The following BMP2K variants were observed in gnomAD, a reference collection of about 807,000 sequenced individuals.
The protein encoded by BMP2K is BMP-2-inducible protein kinase.
A neutral mutation model predicts 116.0 loss-of-function variants in BMP2K; 74 were observed. The observed-to-expected ratio is 0.64, with a 90% confidence interval of 0.53 to 0.77. BMP2K has a LOEUF of 0.77. BMP2K is among the 30% of genes least tolerant of loss of function. BMP2K has a pLI of 0.00. For missense variants in BMP2K, 1,365 were observed against 1,403.6 expected (o/e 0.97, Z 0.44); for synonymous variants, 486 against 502.5 (o/e 0.97, Z 0.44).
At chr4:78,866,045 CTA>C in intron 10 of BMP2K, among the ~76,000 whole-genome samples, 1 of 152,178 alleles carries the variant, frequency 6.6e-6, no homozygotes, top group Non-Finnish European at 1.5e-5. Flanking sequence ...TGGAAAAAGT[CTA>C]TGTTATATGA....
At chr4:78,858,517 A>G (rs984284420) in intron 7 of BMP2K, among the ~76,000 whole-genome samples, 3 of 151,932 alleles carry the variant, frequency 2.0e-5, no homozygotes, top group Admixed American at 2.0e-4. Flanking sequence ...AGAATCTCTC[A>G]AATAAATTAT....
chr4:78,884,281 C>T (rs1404712383), intron 14 of BMP2K, among the ~76,000 whole-genome samples: 2 of 152,276 alleles, frequency 1.3e-5, no homozygotes, highest in East Asian at 3.9e-4. Flanking sequence ...GAGCCATGAT[C>T]ATGCCACTGC....
Position 78,834,284 on chromosome 4 carries a change from C to T in BMP2K, c.403+597C>T, listed in dbSNP as rs1017248250. Among the ~76,000 whole-genome samples, 44 of 145,080 alleles carry T rather than the reference C, an allele frequency of 3.0e-4. 2 individuals carry two copies. In the East Asian group the frequency reaches 5.9e-3, roughly 20 times the overall value. ...TTAAATTTTTTTTTTTTTTTTGAGA[C>T]GGAGTCTCGCTCTGTCGCCCAGGCT... On this transcript the variant is annotated intron_variant, in intron 3 of 15. Transcript: ENST00000502613.
chr4:78,871,856 C>T lies in BMP2K; in HGVS notation c.1516C>T (p.His506Tyr), dbSNP rs1248523170. 3 of 1,609,708 alleles carry T rather than the reference C, an allele frequency of 1.9e-6. No homozygotes were observed. The highest frequency in any genetic ancestry group is 1.7e-5 in the Admixed American group (1 of 59,420). Reference protein sequence around the residue: ...LQDAYMQQYQHATQQQQMLQQ... With the variant: ...LQDAYMQQYQYATQQQQMLQQ... The stretch of plus-strand genomic sequence containing the variant: ...TTTGATTTTCTCGTTGTAGTATCAA[C>T]ATGCAACACAGCAGCAACAGATGCT... The change falls in exon 12 of 16, where the codon CAT becomes TAT. Residue 506 changes from histidine to tyrosine, a missense_variant. By Grantham distance (83) the His-to-Tyr change is moderately conservative (BLOSUM62 2). Around this residue, in one of 3 missense-constraint regions of BMP2K, gnomAD observed 762 missense variants for 756.7 expected, o/e 1.01. Coordinates refer to ENST00000502613, the MANE Select transcript of BMP2K (RefSeq NM_198892.2).
intron 14 of BMP2K, among the ~76,000 whole-genome samples, chr4:78,880,418 T>C (rs1732839944): frequency 1.3e-5 from 2 of 152,224 alleles, no homozygotes; most frequent in Admixed American, 6.5e-5. Flanking sequence ...ACCAAATCAT[T>C]ATAATTTATA....
intron 2 of BMP2K, among the ~76,000 whole-genome samples, chr4:78,827,951 C>T (rs1306755101): frequency 6.6e-6 from 1 of 152,106 alleles, no homozygotes; most frequent in Non-Finnish European, 1.5e-5. Context: ...GTGTACTGTC[C>T]AAGTGTCCAG....
chr4:78,851,408 A>G (rs191724187), intron 7 of BMP2K, among the ~76,000 whole-genome samples: 5 of 152,144 alleles, frequency 3.3e-5, no homozygotes, highest in Admixed American at 3.3e-4. Flanking sequence ...AGGTACTGTA[A>G]TTTAACTTTT....
chr4:78,846,267 C>G (rs991548302), intron 5 of BMP2K, among the ~76,000 whole-genome samples: 1 of 151,476 alleles, frequency 6.6e-6, no homozygotes, highest in Non-Finnish European at 1.5e-5. Context: ...AGGGCCAACA[C>G]TTTTTTGATG....
At chr4:78,818,909 G>C (rs1729486748) in intron 1 of BMP2K, among the ~76,000 whole-genome samples, 1 of 150,696 alleles carries the variant, frequency 6.6e-6, no homozygotes, top group Non-Finnish European at 1.5e-5. Flanking sequence ...CGATTCTTGT[G>C]CTTCCGCCTC....
At chr4:78,886,310 C>T (rs536497637) in intron 14 of BMP2K, among the ~76,000 whole-genome samples, 75 of 152,292 alleles carry the variant, frequency 4.9e-4, no homozygotes, top group Admixed American at 8.5e-4. Context: ...TACTCCCTTG[C>T]GTCCTTCAAG....
At chr4:78,792,808 CAACT>C (rs1183851354) in intron 1 of BMP2K, among the ~76,000 whole-genome samples, 1 of 152,136 alleles carries the variant, frequency 6.6e-6, no homozygotes, top group African/African-American at 2.4e-5. Flanking sequence ...TTCCATATTA[CAACT>C]AACCTTTAAG....
chr4:78,782,514 G>C (rs1472905166), intron 1 of BMP2K, among the ~76,000 whole-genome samples: 5 of 152,144 alleles, frequency 3.3e-5, no homozygotes, highest in Admixed American at 6.5e-5. Context: ...AAATTGAAGA[G>C]CACCAATGGA....
rs1454735371 is a variant in BMP2K at position 78,915,864 on chromosome 4, GCT to G, written c.*3834_*3835del. On this transcript the variant is annotated 3_prime_UTR_variant, in exon 16 of 16. Coordinates refer to ENST00000502613, the MANE Select transcript of BMP2K (RefSeq NM_198892.2). Reference sequence around the variant, plus strand: ...TTGAAAGAATTGTTTTTATGACTATGCTCTTTTTGTGATTGAAAAGTCATCTA... The same window carrying G: ...TTGAAAGAATTGTTTTTATGACTATGCTTTTTGTGATTGAAAAGTCATCTA... 7.2e-5 allele frequency: 11 copies of G among 151,830 alleles called. No homozygotes were observed. Among genetic ancestry groups the G allele is most frequent in the African/African-American group, 2.4e-5 (1 of 41,388 alleles). The allele number at this position is 151,830 out of a possible 1,614,324, so 9.4% of individuals were successfully genotyped here. A position where few individuals can be genotyped will look rare whatever the true frequency, so the allele number is the denominator to read the frequency against.
chr4:78,866,619 A>G (rs548798850), intron 10 of BMP2K, among the ~76,000 whole-genome samples: 2 of 152,218 alleles, frequency 1.3e-5, no homozygotes, highest in East Asian at 3.9e-4. Flanking sequence ...CAAGTAAAGT[A>G]TATGTTCAGG....
intron 14 of BMP2K, among the ~76,000 whole-genome samples, chr4:78,886,653 GTGTT>G (rs571389994): frequency 1.6e-4 from 25 of 152,110 alleles, no homozygotes; most frequent in South Asian, 1.0e-3. Context: ...GGGGGCATGT[GTGTT>G]TGTGTGTGTG....
intron 10 of BMP2K, 168 bp downstream of exon 10, chr4:78,865,888 C>A: frequency 1.5e-6 from 1 of 674,784 alleles, no homozygotes; most frequent in Non-Finnish European, 2.4e-6. Flanking sequence ...CTCAACAATT[C>A]AATTGTTGTA....
chr4:78,818,285 G>A (rs1023165138), intron 1 of BMP2K, among the ~76,000 whole-genome samples: 5 of 152,072 alleles, frequency 3.3e-5, no homozygotes, highest in Admixed American at 2.6e-4. Context: ...ACCCAGTCAC[G>A]GGATTGCTGG....
intron 1 of BMP2K, among the ~76,000 whole-genome samples, chr4:78,797,413 C>G (rs546816287): frequency 1.3e-5 from 2 of 152,276 alleles, no homozygotes; most frequent in African/African-American, 4.8e-5. Context: ...TGCAAAGATT[C>G]TTAAATTTCA....
Position 78,912,060 on chromosome 4 carries a change from ACTCCTGTTTC to A in BMP2K, c.*28_*37del. 6.5e-7 allele frequency: 1 copy of A among 1,543,914 alleles called. No homozygotes were observed. The highest frequency in any genetic ancestry group is 2.0e-5 in the Admixed American group (1 of 50,710). On this transcript the variant is annotated 3_prime_UTR_variant, in exon 16 of 16. Coordinates refer to ENST00000502613, the MANE Select transcript of BMP2K (RefSeq NM_198892.2). ...TACTTCTGATGGATTCTCGGCATTAACTCCTGTTTCAAAAAAGTGTGAACAGTTTTATGAA... is the reference window on the plus strand; with the variant it reads ...TACTTCTGATGGATTCTCGGCATTAAAAAAAAGTGTGAACAGTTTTATGAA...
Sources: allele counts gnomAD v4.1 joint callset (sites outside exome capture counted in the v4.1 genomes callset), GRCh38; gene constraint gnomAD v4.1.1; regional missense constraint gnomAD v4.1.1; transcripts MANE v1.5; gene names NCBI Gene and HGNC (gene_info 2026-07-23, HGNC 2026-07-21).